Variants in ABCD3 observed in about 807,000 individuals in gnomAD.
ABCD3 encodes ATP-binding cassette sub-family D member 3.
A neutral mutation model predicts 105.5 loss-of-function variants in ABCD3; 41 were observed. That is an observed-to-expected ratio of 0.39 (90% CI 0.30 to 0.50). ABCD3 has a LOEUF of 0.50. Among genes scored for constraint, ABCD3 ranks in the 20% least tolerant of loss-of-function variants. ABCD3 has a pLI of 0.84. For missense variants in ABCD3, 622 were observed against 806.3 expected, an observed-to-expected ratio of 0.77 and a Z score of 2.77; for synonymous variants, 258 against 269.0, an observed-to-expected ratio of 0.96 and a Z score of 0.40.
At chr1:94,402,640 G>C in the ABCD3 span, among the ~76,000 whole-genome samples, 1 of 152,020 alleles carries the variant, frequency 6.6e-6, no homozygotes, top group Non-Finnish European at 1.5e-5. Flanking sequence ...CCTCAACAAC[G>C]TCCTCTACCC....
the ABCD3 span, among the ~76,000 whole-genome samples, chr1:94,404,062 A>T: frequency 6.6e-6 from 1 of 152,190 alleles, no homozygotes; most frequent in Non-Finnish European, 1.5e-5. Context: ...CACATACCAC[A>T]TACATATTTT....
At position 94,446,848 on chromosome 1, in the gene ABCD3, TG is replaced by T. The variant is rs1476237413; in HGVS notation, c.111-11756del. On this transcript the variant is annotated intron_variant, in intron 1 of 22. Transcript: ENST00000370214. Reference sequence around the variant, plus strand: ...ATTATGAAGGACCTGATGGACAACCTGGGACTATTCAACCGATTGTAACTTC... The same window carrying T: ...ATTATGAAGGACCTGATGGACAACCTGGACTATTCAACCGATTGTAACTTC... 2.0e-5 allele frequency among the ~76,000 whole-genome samples: 3 copies of T among 152,206 alleles called. 1 individual carries two copies. Among genetic ancestry groups the T allele is most frequent in the African/African-American group, 7.2e-5 (3 of 41,440 alleles).
At chr1:94,438,303 C>CAT (rs1659988131) in intron 1 of ABCD3, among the ~76,000 whole-genome samples, 2 of 45,170 alleles carry the variant, frequency 4.4e-5, no homozygotes, top group African/African-American at 1.2e-4. Flanking sequence ...CACACACATA[C>CAT]ACACACACAC....
intron 7 of ABCD3, among the ~76,000 whole-genome samples, chr1:94,477,121 A>C (rs771472215): frequency 5.3e-4 from 81 of 151,782 alleles, no homozygotes; most frequent in Non-Finnish European, 7.7e-4. Flanking sequence ...GATGTTTTAA[A>C]CATCTAATTG....
At chr1:94,473,491 G>T (rs1165107590) in intron 4 of ABCD3, among the ~76,000 whole-genome samples, 1 of 152,024 alleles carries the variant, frequency 6.6e-6, no homozygotes, top group East Asian at 1.9e-4. Context: ...AGCCACTTAA[G>T]CCTTTTTTTA....
intron 1 of ABCD3, among the ~76,000 whole-genome samples, chr1:94,450,729 G>T (rs909420452): frequency 6.6e-6 from 1 of 152,180 alleles, no homozygotes; most frequent in Non-Finnish European, 1.5e-5. Flanking sequence ...CTGTGTGTGT[G>T]TGTCTTTAAT....
At chr1:94,480,749 T>G (rs573417071) in intron 9 of ABCD3, 143 bp downstream of exon 9, 17 of 906,626 alleles carry the variant, frequency 1.9e-5, no homozygotes, top group Non-Finnish European at 2.9e-5. Flanking sequence ...TGAAAGAGAC[T>G]AGTTTTATAA....
chr1:94,421,762 T>G (rs1294554252), intron 1 of ABCD3, among the ~76,000 whole-genome samples: 2 of 152,118 alleles, frequency 1.3e-5, no homozygotes, highest in Non-Finnish European at 2.9e-5. Context: ...ATGAAGGATG[T>G]GTGTTAAGCC....
At chr1:94,473,419 A>G (rs1354588299) in intron 4 of ABCD3, among the ~76,000 whole-genome samples, 1 of 152,178 alleles carries the variant, frequency 6.6e-6, no homozygotes, top group East Asian at 1.9e-4. Context: ...TTGTTTATTC[A>G]TAATAACCCA....
At chr1:94,493,954 T>G (rs61772857) in intron 16 of ABCD3, among the ~76,000 whole-genome samples, 56,620 of 151,150 alleles carry the variant, frequency 0.37, 11,755 homozygotes, top group Middle Eastern at 0.55. Flanking sequence ...TGGGGTGGGG[T>G]CCTGGGGGAG....
intron 1 of ABCD3, among the ~76,000 whole-genome samples, chr1:94,426,126 G>A (rs555385100): frequency 6.6e-6 from 1 of 152,114 alleles, no homozygotes; most frequent in Admixed American, 6.5e-5. Flanking sequence ...AAAAACTCCC[G>A]AGCCTTCCTA....
At chr1:94,494,628 C>T (rs1197641145) in intron 16 of ABCD3, among the ~76,000 whole-genome samples, 1 of 152,078 alleles carries the variant, frequency 6.6e-6, no homozygotes, top group Non-Finnish European at 1.5e-5. Flanking sequence ...TAAATCTTTC[C>T]TACTTTATGA....
intron 9 of ABCD3, chr1:94,481,398 T>C (rs1287208172): frequency 6.6e-6 from 1 of 152,226 alleles, no homozygotes; most frequent in Non-Finnish European, 1.5e-5. Flanking sequence ...AAATAGGGTT[T>C]TTTGCTCTAG....
chr1:94,477,834 A>G (rs184892179), intron 7 of ABCD3, among the ~76,000 whole-genome samples: 5 of 152,360 alleles, frequency 3.3e-5, no homozygotes, highest in African/African-American at 1.2e-4. Context: ...ATATTGGAGC[A>G]GGAAAAGCTC....
chr1:94,391,170 G>T, the ABCD3 span, among the ~76,000 whole-genome samples: 49 of 152,152 alleles, frequency 3.2e-4, no homozygotes, highest in Admixed American at 4.6e-4. Context: ...GACTTATCTG[G>T]AAAGTGGGTG....
chr1:94,452,106 T>C (rs1275626924), intron 1 of ABCD3, among the ~76,000 whole-genome samples: 1 of 152,200 alleles, frequency 6.6e-6, no homozygotes, highest in East Asian at 1.9e-4. Context: ...AGGGTCACCA[T>C]GTAATTTATT....
At chr1:94,390,327 G>C in the ABCD3 span, among the ~76,000 whole-genome samples, 1 of 151,942 alleles carries the variant, frequency 6.6e-6, no homozygotes, top group African/African-American at 2.4e-5. Flanking sequence ...TTGTGAGACA[G>C]ACTCTCGTTC....
At chr1:94,474,314 GA>G (rs1375449532) in intron 5 of ABCD3, among the ~76,000 whole-genome samples, 1 of 151,920 alleles carries the variant, frequency 6.6e-6, no homozygotes, top group Non-Finnish European at 1.5e-5. Context: ...ACAGTAACTT[GA>G]ACTACTAATT....
chr1:94,388,301 A>C, the ABCD3 span, among the ~76,000 whole-genome samples: 9 of 152,178 alleles, frequency 5.9e-5, no homozygotes, highest in Non-Finnish European at 1.3e-4. Context: ...ACCCGCACAA[A>C]GATATATTGT....
Sources: allele counts gnomAD v4.1 joint callset (sites outside exome capture counted in the v4.1 genomes callset), GRCh38; gene constraint gnomAD v4.1.1; transcripts MANE v1.5; gene names NCBI Gene and HGNC (gene_info 2026-07-23, HGNC 2026-07-21).